The following PCGF6 variants were observed in gnomAD, a reference collection of about 807,000 sequenced individuals.
PCGF6 encodes polycomb group RING finger protein 6.
In PCGF6, 24 loss-of-function variants were observed where a neutral mutation model predicts 45.5. That is an observed-to-expected ratio of 0.53 (90% CI 0.38 to 0.74). PCGF6 has a LOEUF of 0.74. PCGF6 is among the 30% of genes least tolerant of loss of function. PCGF6 has a pLI of 0.00. For synonymous variants in PCGF6, 152 were observed against 162.1 expected (o/e 0.94, Z 0.47); for missense variants, 356 against 443.2 (o/e 0.80, Z 1.77).
At position 103,314,166 on chromosome 10, in the gene PCGF6, TG is replaced by T; in HGVS notation, c.996+19del. On this transcript the variant is annotated intron_variant, in intron 9 of 9. Coordinates refer to ENST00000369847, the MANE Select transcript of PCGF6 (RefSeq NM_001011663.2). ...CACTAAGTAACTTATCTGTTAGACA[TG>T]GGTATGTCTATAACCTACCTGCATT... is the stretch of plus-strand genomic sequence containing the variant. The T allele has an allele frequency of 6.7e-7, 1 of 1,492,392 alleles. No homozygotes were observed. The highest frequency in any genetic ancestry group is 9.2e-7 in the Non-Finnish European group (1 of 1,090,990). 92.4% of individuals were successfully genotyped at this position (1,492,392 alleles called of 1,614,324 possible). A position where few individuals can be genotyped will look rare whatever the true frequency, so the allele number is the denominator to read the frequency against.
At chr10:103,330,155 GC>G (rs2093234879) in intron 7 of PCGF6, among the ~76,000 whole-genome samples, 1 of 151,318 alleles carries the variant, frequency 6.6e-6, no homozygotes, top group African/African-American at 2.4e-5. Flanking sequence ...GCTCACTGCA[GC>G]CTCTGCCTCC....
chr10:103,315,333 G>A (rs1306309841), intron 8 of PCGF6, among the ~76,000 whole-genome samples: 1 of 151,966 alleles, frequency 6.6e-6, no homozygotes, highest in African/African-American at 2.4e-5. Flanking sequence ...CTAGAGGTGT[G>A]CACCACCACA....
chr10:103,305,832 G>A (rs2093136340), intron 9 of PCGF6, among the ~76,000 whole-genome samples: 1 of 151,398 alleles, frequency 6.6e-6, no homozygotes, highest in Non-Finnish European at 1.5e-5. Flanking sequence ...CAGGTCACTT[G>A]AGACCGGGAG....
chr10:103,348,795 C>A lies in PCGF6; in HGVS notation c.478G>T (p.Val160Leu). 6.2e-7 allele frequency: 1 copy of A among 1,612,884 alleles called. No homozygotes were observed. Among genetic ancestry groups the A allele is most frequent in the Non-Finnish European group, 8.5e-7 (1 of 1,179,382 alleles). ...CTGTTGCTGTAGTAAAAATGTCTTA[C>A]GATGCAGCTTTTACAAACTGTTGAA... ...CLHTFCKSCIVRHFYYSNRCP... is the reference protein window; with the variant it reads ...CLHTFCKSCILRHFYYSNRCP... The change falls in exon 3 of 10, where the codon GTA (valine) becomes TTA (leucine). Residue 160 changes from valine (V) to leucine (L), a missense_variant. Around this residue, in one of 2 missense-constraint regions of PCGF6, gnomAD observed 307 missense variants for 350.1 expected, o/e 0.88. Coordinates refer to ENST00000369847, the MANE Select transcript of PCGF6 (RefSeq NM_001011663.2).
chr10:103,334,064 C>A lies in PCGF6; in HGVS notation c.783-112G>T, dbSNP rs575511978. 2.0e-5 allele frequency: 14 copies of A among 710,144 alleles called. No homozygotes were observed. The South Asian group carries it at 4.1e-4, about 21-fold the overall frequency. The allele number at this position is 710,144 out of a possible 1,614,324, so 44.0% of individuals were successfully genotyped here. A position where few individuals can be genotyped will look rare whatever the true frequency, so the allele number is the denominator to read the frequency against. On this transcript the variant is annotated intron_variant, in intron 6 of 9. Transcript: ENST00000369847. Reference sequence around the variant, plus strand: ...ACATCAATTCATTGTAATTCTAGAACACAGTCACCTGAAGTTTTATGAAAT... The same window carrying A: ...ACATCAATTCATTGTAATTCTAGAAAACAGTCACCTGAAGTTTTATGAAAT...
chr10:103,321,661 G>A (rs1263161266), intron 8 of PCGF6, among the ~76,000 whole-genome samples: 5 of 151,904 alleles, frequency 3.3e-5, no homozygotes, highest in Admixed American at 2.0e-4. Flanking sequence ...GCAGTGAGCC[G>A]AGATCGCGCC....
At chr10:103,325,539 C>A (rs11191656) in intron 8 of PCGF6, among the ~76,000 whole-genome samples, 2 of 152,054 alleles carry the variant, frequency 1.3e-5, no homozygotes, top group African/African-American at 4.8e-5. Context: ...TGAGCCACTG[C>A]GCCTGGCCGA....
chr10:103,347,519 ATTGTG>A (rs1407258775), intron 3 of PCGF6, 69 bp from the exon 4 acceptor site: 2 of 1,311,790 alleles, frequency 1.5e-6, no homozygotes, highest in Non-Finnish European at 2.2e-6. Flanking sequence ...GAGTGAGTTA[ATTGTG>A]TTTTCTCTTG....
At chr10:103,320,415 G>A (rs370087649) in intron 8 of PCGF6, among the ~76,000 whole-genome samples, 8 of 152,212 alleles carry the variant, frequency 5.3e-5, no homozygotes, top group African/African-American at 1.4e-4. Context: ...GGCCGGGCGC[G>A]GTGGCTCACA....
intron 6 of PCGF6, among the ~76,000 whole-genome samples, chr10:103,338,019 C>A (rs1444688532): frequency 2.2e-5 from 1 of 45,624 alleles, no homozygotes; most frequent in African/African-American, 7.6e-5. Flanking sequence ...AGCCGAGATC[C>A]CGCCACTGCA....
At position 103,350,590 on chromosome 10, in the gene PCGF6, T is replaced by G. The variant is rs984850267; in HGVS notation, c.360+117A>C. 5 of 1,086,108 alleles carry G rather than the reference T, an allele frequency of 4.6e-6. No individual in the cohort carries two copies. The African/African-American group carries it at 8.4e-5, about 18-fold the overall frequency. The allele number at this position is 1,086,108 out of a possible 1,614,324, so 67.3% of individuals were successfully genotyped here. A position where few individuals can be genotyped will look rare whatever the true frequency, so the allele number is the denominator to read the frequency against. On this transcript the variant is annotated intron_variant, in intron 1 of 9. Transcript: ENST00000369847. The stretch of plus-strand genomic sequence containing the variant: ...GGGGCAGAGGTCGGGGGAGGTCCGC[T>G]CCAGTGCTCCGCGCGGCGGCGGCGC...
intron 6 of PCGF6, among the ~76,000 whole-genome samples, chr10:103,341,345 C>T (rs1380391314): frequency 6.6e-6 from 1 of 151,988 alleles, no homozygotes; most frequent in South Asian, 2.1e-4. Flanking sequence ...CAACCTCCGC[C>T]TCCCGGGTTC....
In PCGF6 at chr10:103,350,850, A is replaced by G; in HGVS notation, c.217T>C (p.Phe73Leu). 6.5e-7 allele frequency: 1 copy of G among 1,543,756 alleles called. No individual in the cohort carries two copies. The highest frequency in any genetic ancestry group is 8.7e-7 in the Non-Finnish European group (1 of 1,144,694). Residue 73 changes from phenylalanine (F) to leucine (L), a missense_variant, in exon 1 of 10, where the codon TTC becomes CTC. Physicochemically the swap from Phe to Leu is conservative, Grantham distance 22. Coordinates refer to ENST00000369847, the MANE Select transcript of PCGF6 (RefSeq NM_001011663.2). Reference protein sequence around the residue: ...ELEPERSLGRFRGRFEDEDEE... With the variant: ...ELEPERSLGRLRGRFEDEDEE... The stretch of plus-strand genomic sequence containing the variant: ...TCCTCGTCCTCGAAGCGGCCTCTGA[A>G]GCGGCCCAGGCTGCGCTCCGGCTCC...
intron 7 of PCGF6, among the ~76,000 whole-genome samples, chr10:103,330,199 C>T (rs2093235090): frequency 6.6e-6 from 1 of 152,090 alleles, no homozygotes; most frequent in Non-Finnish European, 1.5e-5. Flanking sequence ...CACAGCCCTC[C>T]TGAGTACCTG....
chr10:103,316,507 GAAGTA>G (rs2093176799), intron 8 of PCGF6, among the ~76,000 whole-genome samples: 1 of 152,108 alleles, frequency 6.6e-6, no homozygotes, highest in African/African-American at 2.4e-5. Flanking sequence ...GGGAAACTAA[GAAGTA>G]AAGACATTAA....
At chr10:103,328,982 T>C (rs1445538443) in intron 7 of PCGF6, among the ~76,000 whole-genome samples, 2 of 151,956 alleles carry the variant, frequency 1.3e-5, no homozygotes, top group East Asian at 3.9e-4. Flanking sequence ...CCTGACCTCA[T>C]GATCTACCGG....
chr10:103,341,050 C>T (rs963980809), intron 6 of PCGF6, among the ~76,000 whole-genome samples: 1 of 151,772 alleles, frequency 6.6e-6, no homozygotes, highest in Non-Finnish European at 1.5e-5. Context: ...ACTGACATGG[C>T]GAAACCCTGT....
At chr10:103,305,605 T>C (rs2093135518) in intron 9 of PCGF6, among the ~76,000 whole-genome samples, 1 of 151,858 alleles carries the variant, frequency 6.6e-6, no homozygotes, top group Non-Finnish European at 1.5e-5. Context: ...AGCATTAGAT[T>C]CTCCTAAAAA....
intron 6 of PCGF6, among the ~76,000 whole-genome samples, chr10:103,340,195 AAAAAT>A (rs1270094010): frequency 7.5e-4 from 79 of 105,548 alleles, no homozygotes; most frequent in East Asian, 5.8e-3. Flanking sequence ...AAAAAAAAAA[AAAAAT>A]ATATATATAT....
Sources: allele counts gnomAD v4.1 joint callset (sites outside exome capture counted in the v4.1 genomes callset), GRCh38; gene constraint gnomAD v4.1.1; regional missense constraint gnomAD v4.1.1; transcripts MANE v1.5; gene names NCBI Gene and HGNC (gene_info 2026-07-23, HGNC 2026-07-21).